Variants in NTRK2 observed in about 807,000 individuals in gnomAD.
NTRK2 encodes the protein neurotrophic receptor tyrosine kinase 2.
Under a neutral mutation model 94.5 loss-of-function variants are expected in NTRK2, and 13 were observed. The observed-to-expected ratio is 0.14, with a 90% CI of 0.09 to 0.22. The LOEUF (loss-of-function observed/expected upper bound fraction) is 0.22. NTRK2 is among the 10% of genes least tolerant of loss of function. NTRK2 has a pLI of 1.00. For synonymous variants in NTRK2, 372 were observed against 407.4 expected (o/e 0.91, Z 1.05); for missense variants, 639 against 1,071.2 (o/e 0.60, Z 5.63).
intron 12 of NTRK2, among the ~76,000 whole-genome samples, chr9:84,840,406 G>A (rs1471423102): frequency 2.0e-5 from 3 of 151,124 alleles, no homozygotes; most frequent in African/African-American, 7.3e-5. Flanking sequence ...ACACCCACAA[G>A]CCTCCCCAGA....
chr9:84,845,007 G>A (rs569373226), intron 12 of NTRK2, among the ~76,000 whole-genome samples: 29 of 152,252 alleles, frequency 1.9e-4, no homozygotes, highest in South Asian at 1.9e-3. Flanking sequence ...TACACTGCTG[G>A]TAGGAATGTA....
chr9:84,879,582 T>G (rs985647985), intron 14 of NTRK2, among the ~76,000 whole-genome samples: 3 of 152,158 alleles, frequency 2.0e-5, no homozygotes, highest in Non-Finnish European at 1.5e-5. Context: ...ATTACTCTGT[T>G]TTACAGATGG....
chr9:85,017,515 G>C (rs898536823), intron 17 of NTRK2, among the ~76,000 whole-genome samples: 10 of 152,142 alleles, frequency 6.6e-5, no homozygotes, highest in Non-Finnish European at 1.0e-4. Flanking sequence ...ATTTTTAGCT[G>C]TCTTACCTGA....
intron 16 of NTRK2, among the ~76,000 whole-genome samples, chr9:84,951,690 CCT>C (rs2078788704): frequency 6.6e-6 from 1 of 152,184 alleles, no homozygotes; most frequent in African/African-American, 2.4e-5. Context: ...CAATTGGAAA[CCT>C]AGCCTGCTTG....
chr9:84,721,179 CTT>C (rs150800902), intron 6 of NTRK2, among the ~76,000 whole-genome samples: 70,441 of 146,912 alleles, frequency 0.48, 17,010 homozygotes, highest in East Asian at 0.59. Context: ...TCATAATAAT[CTT>C]TTTTTTTTTT....
Position 84,908,311 on chromosome 9 carries a change from C to T in NTRK2, c.1634-25851C>T, listed in dbSNP as rs148476282. Among the ~76,000 whole-genome samples, 323 of 152,308 alleles carry T rather than the reference C, an allele frequency of 2.1e-3. 1 individual carries two copies. The highest frequency in any genetic ancestry group is 3.4e-3 in the Middle Eastern group (1 of 294). On this transcript the variant is annotated intron_variant, in intron 14 of 18. Coordinates refer to ENST00000277120, the MANE Select transcript of NTRK2 (RefSeq NM_006180.6). ...GCATACCATGTCAGAGTAGAAGTGA[C>T]TTGTCTGGTCATTAAAATAGGTAAA...
intron 12 of NTRK2, among the ~76,000 whole-genome samples, chr9:84,775,820 A>T (rs1012049414): frequency 6.6e-6 from 1 of 152,216 alleles, no homozygotes; most frequent in African/African-American, 2.4e-5. Context: ...TTTTCAAAAT[A>T]CAGATCTGGG....
chr9:84,860,504 A>T (rs182134969), intron 12 of NTRK2, among the ~76,000 whole-genome samples: 1 of 151,996 alleles, frequency 6.6e-6, no homozygotes, highest in Admixed American at 6.6e-5. Flanking sequence ...CTACTCTCCC[A>T]CGGGATTTTG....
At chr9:84,675,686 A>C (rs1182232761) in intron 2 of NTRK2, among the ~76,000 whole-genome samples, 2 of 152,122 alleles carry the variant, frequency 1.3e-5, no homozygotes, top group Non-Finnish European at 2.9e-5. Flanking sequence ...AGAGGGAAGA[A>C]AAAAAACCCT....
intron 2 of NTRK2, among the ~76,000 whole-genome samples, chr9:84,678,691 C>G (rs1279476360): frequency 6.6e-6 from 1 of 151,796 alleles, no homozygotes; most frequent in Non-Finnish European, 1.5e-5. Context: ...TAAGGTGTGA[C>G]AAAAAAACAC....
At chr9:84,872,249 G>A in intron 14 of NTRK2, 1 of 1,125,182 alleles carries the variant, frequency 8.9e-7, no homozygotes, top group Non-Finnish European at 1.1e-6. Flanking sequence ...CTTGACTGCT[G>A]AGAAACTTTT....
chr9:84,814,955 C>A, intron 12 of NTRK2: 1 of 1,059,654 alleles, frequency 9.4e-7, no homozygotes, highest in Non-Finnish European at 1.1e-6. Context: ...GCAAACCATG[C>A]CAGGTTCATC....
chr9:84,756,325 G>C (rs1043769469), intron 12 of NTRK2, among the ~76,000 whole-genome samples: 1 of 152,158 alleles, frequency 6.6e-6, no homozygotes, highest in African/African-American at 2.4e-5. Context: ...ATTGCTTCCT[G>C]GCTCCGTGTC....
At position 84,946,750 on chromosome 9, in the gene NTRK2, C is replaced by A. The variant is rs555785782; in HGVS notation, c.1765-1712C>A. On this transcript the variant is annotated intron_variant, in intron 15 of 18. Transcript: ENST00000277120. The stretch of plus-strand genomic sequence containing the variant: ...TTATTTCAGTTCTGGTGGTCAGACA[C>A]CTGAAATCAGTTTTGCTAAGCTAAA... Among the ~76,000 whole-genome samples the A allele has an allele frequency of 1.2e-3, 179 of 152,140 alleles. 1 individual carries two copies. Among genetic ancestry groups the A allele is most frequent in the Non-Finnish European group, 2.0e-3 (137 of 68,036 alleles).
At position 85,021,890 on chromosome 9, in the gene NTRK2, A is replaced by G. The variant is rs1832798760; in HGVS notation, c.*453A>G. ...TGTATTCCTGCCTTTGATGTGGATGAAAAAAAGGGAAAACAAATATTTCAC... is the reference window on the plus strand; with the variant it reads ...TGTATTCCTGCCTTTGATGTGGATGGAAAAAAGGGAAAACAAATATTTCAC... On this transcript the variant is annotated 3_prime_UTR_variant, in exon 19 of 19. Transcript: ENST00000277120. The G allele has an allele frequency of 3.8e-6, 1 of 266,280 alleles. No homozygotes were observed. Among genetic ancestry groups the G allele is most frequent in the South Asian group, 1.1e-4 (1 of 9,482 alleles). The allele number at this position is 266,280 out of a possible 1,614,324, so 16.5% of individuals were successfully genotyped here.
chr9:84,799,002 C>A (rs2070035960), intron 12 of NTRK2, among the ~76,000 whole-genome samples: 1 of 149,898 alleles, frequency 6.7e-6, no homozygotes, highest in Non-Finnish European at 1.5e-5. Context: ...ATTTTATAGG[C>A]AAGAAAACTG....
intron 12 of NTRK2, chr9:84,811,787 C>T (rs2071824186): frequency 9.4e-7 from 1 of 1,065,354 alleles, no homozygotes; most frequent in African/African-American, 1.6e-5. Context: ...TTTCTGCATC[C>T]CCCCTGAGTC....
chr9:84,888,254 C>T (rs552310081), intron 14 of NTRK2, among the ~76,000 whole-genome samples: 33 of 152,188 alleles, frequency 2.2e-4, no homozygotes, highest in African/African-American at 7.5e-4. Context: ...TTTCCACATA[C>T]GTTATCTCAG....
At chr9:84,686,258 G>A (rs1255482154) in intron 2 of NTRK2, among the ~76,000 whole-genome samples, 3 of 152,196 alleles carry the variant, frequency 2.0e-5, no homozygotes, top group African/African-American at 7.2e-5. Flanking sequence ...CCTTGATGAG[G>A]CAGGCTGATT....
Sources: allele counts gnomAD v4.1 joint callset (sites outside exome capture counted in the v4.1 genomes callset), GRCh38; gene constraint gnomAD v4.1.1; transcripts MANE v1.5; gene names NCBI Gene and HGNC (gene_info 2026-07-23, HGNC 2026-07-21).